Variants in ELFN2 observed in about 807,000 individuals in gnomAD.
ELFN2 encodes the protein extracellular leucine rich repeat and fibronectin type III domain containing 2.
In ELFN2, 17 loss-of-function variants were observed where a neutral mutation model predicts 45.5. The ratio of observed to expected loss-of-function variants is 0.37; its 90% confidence interval spans 0.26 to 0.56. ELFN2 has a LOEUF of 0.56. Ranked by LOEUF, ELFN2 falls within the 20% of genes least tolerant of loss-of-function variation. ELFN2 has a pLI of 0.77. For synonymous variants in ELFN2, 550 were observed against 551.5 expected, an observed-to-expected ratio of 1.00 and a Z score of 0.04; for missense variants, 922 against 1,183.2, an observed-to-expected ratio of 0.78 and a Z score of 3.24.
In ELFN2 at chr22:37,374,349, GGGTGGTGGTGGA is replaced by G; in HGVS notation, c.1174_1185del (p.Ser392_Thr395del). The G allele has an allele frequency of 6.2e-7, 1 of 1,614,080 alleles. No homozygotes were observed. The highest frequency in any genetic ancestry group is 1.1e-5 in the South Asian group (1 of 91,088). On this transcript the variant is annotated inframe_deletion, in exon 3 of 3. Transcript: ENST00000402918. ...CAGCCCAGGATGGTCATGATGTAGT[GGGTGGTGGTGGA>G]GGTGCTGGGCGCCAAGTCTCCGGGG...
At chr22:37,355,600 A>C (rs1194435778) in intron 1 of ELFN2, among the ~76,000 whole-genome samples, 1 of 59,472 alleles carries the variant, frequency 1.7e-5, no homozygotes, top group Non-Finnish European at 4.0e-5. Context: ...TCCCCACCCA[A>C]AGGGCTCCCT....
Position 37,374,200 on chromosome 22 carries a change from A to T in ELFN2, c.1335T>A (p.Ala445=). The T allele has an allele frequency of 6.2e-7, 1 of 1,613,568 alleles. No homozygotes were observed. Among genetic ancestry groups the T allele is most frequent in the South Asian group, 1.1e-5 (1 of 91,084 alleles). The change falls in exon 3 of 3, where the codon GCT becomes GCA. Residue 445 remains alanine (A), a synonymous_variant. Transcript: ENST00000402918. ...GCACAATGGAGCCGGCATCCACATC[A>T]GCCCCGTAGCGCATCTCCAGGATGG... ...KKTILEMRYG[A]DVDAGSIVHA...
At chr22:37,398,132 G>A (rs1167110011) in intron 2 of ELFN2, among the ~76,000 whole-genome samples, 6 of 152,186 alleles carry the variant, frequency 3.9e-5, no homozygotes, top group African/African-American at 1.4e-4. Context: ...CCATTTGATA[G>A]ACAATGAAGG....
intron 1 of ELFN2, among the ~76,000 whole-genome samples, chr22:37,350,398 G>C (rs138163896): frequency 1.3e-5 from 2 of 150,450 alleles, no homozygotes; most frequent in South Asian, 2.1e-4. Flanking sequence ...AGACACTGTC[G>C]GGCGGCTGCA....
chr22:37,424,481 T>G (rs1484561963), intron 1 of ELFN2, among the ~76,000 whole-genome samples: 1 of 152,060 alleles, frequency 6.6e-6, no homozygotes, highest in African/African-American at 2.4e-5. Context: ...TTCTGGAGCT[T>G]GTGGGTGGAA....
chr22:37,395,716 C>A (rs1173598442), intron 2 of ELFN2, among the ~76,000 whole-genome samples: 2 of 152,180 alleles, frequency 1.3e-5, no homozygotes, highest in Non-Finnish European at 2.9e-5. Flanking sequence ...GGCACAATAT[C>A]CGTGCACCCA....
downstream of ELFN2, among the ~76,000 whole-genome samples, chr22:37,363,024 C>T (rs1343970080): frequency 1.3e-5 from 2 of 152,174 alleles, no homozygotes; most frequent in Non-Finnish European, 2.9e-5. Context: ...CAGGGCCCCC[C>T]GAGGTACCGA....
chr22:37,382,763 G>C (rs1931825617), intron 2 of ELFN2, among the ~76,000 whole-genome samples: 1 of 152,124 alleles, frequency 6.6e-6, no homozygotes, highest in African/African-American at 2.4e-5. Context: ...CGTTGCCCAG[G>C]CTGGTCTTGA....
At chr22:37,356,156 G>A (rs1012617732) in intron 1 of ELFN2, among the ~76,000 whole-genome samples, 1 of 152,140 alleles carries the variant, frequency 6.6e-6, no homozygotes, top group Non-Finnish European at 1.5e-5. Flanking sequence ...TGCAGGAGGG[G>A]GCGGTCAACT....
At chr22:37,341,426 C>T (rs1478274526) in intron 2 of ELFN2, among the ~76,000 whole-genome samples, 1 of 152,186 alleles carries the variant, frequency 6.6e-6, no homozygotes, top group African/African-American at 2.4e-5. Flanking sequence ...CAGCTCTGGG[C>T]CAAGCCCACT....
intron 1 of ELFN2, among the ~76,000 whole-genome samples, chr22:37,344,432 G>A (rs996772855): frequency 4.6e-5 from 7 of 151,760 alleles, no homozygotes; most frequent in African/African-American, 1.7e-4. Context: ...GGCTCTCAGC[G>A]CCAGGTGGAC....
chr22:37,378,763 C>G (rs955639054), intron 2 of ELFN2, among the ~76,000 whole-genome samples: 8 of 152,342 alleles, frequency 5.3e-5, no homozygotes, highest in African/African-American at 1.9e-4. Flanking sequence ...CGGTCCCCAT[C>G]CCGGGCTGCC....
At chr22:37,416,610 A>G (rs999308635) in intron 2 of ELFN2, among the ~76,000 whole-genome samples, 2 of 152,122 alleles carry the variant, frequency 1.3e-5, no homozygotes, top group African/African-American at 2.4e-5. Flanking sequence ...GGGTGGAGGC[A>G]CTGGGAGGAA....
intron 1 of ELFN2, among the ~76,000 whole-genome samples, chr22:37,357,504 C>A (rs193188406): frequency 1.3e-5 from 2 of 152,160 alleles, no homozygotes; most frequent in Non-Finnish European, 2.9e-5. Flanking sequence ...ACTGATCATC[C>A]TTTTCTTACT....
chr22:37,385,341 A>G (rs1601753574), intron 2 of ELFN2: 1 of 152,262 alleles, frequency 6.6e-6, no homozygotes. Flanking sequence ...AGTGGCTTCC[A>G]GCCTCCACGG....
At chr22:37,425,823 G>C (rs1054466661) in intron 1 of ELFN2, among the ~76,000 whole-genome samples, 1 of 151,556 alleles carries the variant, frequency 6.6e-6, no homozygotes, top group Non-Finnish European at 1.5e-5. Context: ...CGTCCCACAG[G>C]TGTCCACGGG....
chr22:37,346,244 A>G (rs1224246251), intron 1 of ELFN2, among the ~76,000 whole-genome samples: 1 of 152,222 alleles, frequency 6.6e-6, no homozygotes, highest in African/African-American at 2.4e-5. Flanking sequence ...CTGTGCGCAC[A>G]CTGGGCACTT....
At chr22:37,382,844 T>C (rs970248321) in intron 2 of ELFN2, among the ~76,000 whole-genome samples, 3 of 152,190 alleles carry the variant, frequency 2.0e-5, no homozygotes, top group East Asian at 3.8e-4. Context: ...CCACCGTACC[T>C]GGCCCTGATT....
rs1404807112 is a variant in ELFN2, at chr22:37,369,549, T to C, written c.*3523A>G. Reference sequence around the variant, plus strand: ...CAAGGCCGGGACCCGTGACGAGGTTTCCCCACCAACCAGGCTTTCTTGCCT... The same window carrying C: ...CAAGGCCGGGACCCGTGACGAGGTTCCCCCACCAACCAGGCTTTCTTGCCT... On this transcript the variant is annotated 3_prime_UTR_variant, in exon 3 of 3. Coordinates refer to ENST00000402918, the MANE Select transcript of ELFN2 (RefSeq NM_052906.5). 6.6e-6 allele frequency: 1 copy of C among 152,220 alleles called. No individual in the cohort carries two copies. Among genetic ancestry groups the C allele is most frequent in the Admixed American group, 6.5e-5 (1 of 15,292 alleles). The allele number at this position is 152,220 out of a possible 1,614,324, so 9.4% of individuals were successfully genotyped here. A position where few individuals can be genotyped will look rare whatever the true frequency, so the allele number is the denominator to read the frequency against.
Sources: allele counts gnomAD v4.1 joint callset (sites outside exome capture counted in the v4.1 genomes callset), GRCh38; gene constraint gnomAD v4.1.1; transcripts MANE v1.5; gene names NCBI Gene and HGNC (gene_info 2026-07-23, HGNC 2026-07-21).